The following TESK1 variants were observed in gnomAD, a reference collection of about 807,000 sequenced individuals.
The protein encoded by TESK1 is dual specificity testis-specific protein kinase 1.
In TESK1, 18 loss-of-function variants were observed where a neutral mutation model predicts 59.9. The ratio of observed to expected loss-of-function variants is 0.30; its 90% CI spans 0.21 to 0.45. TESK1 has a LOEUF of 0.45. TESK1 is among the 20% of genes least tolerant of loss of function. The pLI is 1.00. For missense variants in TESK1, 748 were observed against 840.9 expected, an observed-to-expected ratio of 0.89 and a Z score of 1.37; for synonymous variants, 341 against 357.4, an observed-to-expected ratio of 0.95 and a Z score of 0.52.
At chr9:35,606,806 C>T (rs868724381) in intron 3 of TESK1, 31 bp from the exon 4 acceptor site, 1 of 1,570,510 alleles carries the variant, frequency 6.4e-7, no homozygotes, top group Middle Eastern at 1.7e-4. Context: ...TGAAGTCTGA[C>T]ATCTATTCCC....
Position 35,608,946 on chromosome 9 carries a change from C to T in TESK1, c.1085C>T (p.Pro362Leu). 1 of 1,614,132 alleles carries T rather than the reference C, an allele frequency of 6.2e-7. No homozygotes were observed. Residue 362 changes from proline to leucine, a missense_variant, in exon 10 of 10, where the codon CCC (proline) becomes CTC (leucine). By Grantham distance (98) the Pro-to-Leu change is moderately conservative. Transcript: ENST00000336395. ...LSRSRSDLFL[P>L]PSPESPPNWG... ...CGAAGCCGGTCAGACCTCTTCCTGCCCCCATCACCAGAATCACCCCCCAAC... is the reference window on the plus strand; with the variant it reads ...CGAAGCCGGTCAGACCTCTTCCTGCTCCCATCACCAGAATCACCCCCCAAC...
At chr9:35,606,796 T>C (rs371265033) in intron 3 of TESK1, 41 bp from the exon 4 acceptor site, 18 of 1,560,706 alleles carry the variant, frequency 1.2e-5, no homozygotes, top group Non-Finnish European at 1.6e-5. Context: ...GAATACAGAC[T>C]GAAGTCTGAC....
chr9:35,605,862 G>A, intron 1 of TESK1, 24 bp downstream of exon 1: 1 of 1,608,358 alleles, frequency 6.2e-7, no homozygotes, highest in Non-Finnish European at 8.5e-7. Context: ...AGAGGGCAGA[G>A]GGGCGGGACC....
chr9:35,609,868 C>A lies in TESK1; in HGVS notation c.*126C>A. 3 of 1,175,424 alleles carry A rather than the reference C, an allele frequency of 2.6e-6. No individual in the cohort carries two copies. The highest frequency in any genetic ancestry group is 3.5e-6 in the Non-Finnish European group (3 of 865,300). 72.8% of individuals were successfully genotyped at this position (1,175,424 alleles called of 1,614,324 possible). A position where few individuals can be genotyped will look rare whatever the true frequency, so the allele number is the denominator to read the frequency against. On this transcript the variant is annotated 3_prime_UTR_variant, in exon 10 of 10. Transcript: ENST00000336395. This position sits in a 1 kb window ranked among gnomAD's most constrained non-coding sequence, Gnocchi z 6.7. ...CGGCTCTTCTCCCCGTGTAGGGGAG[C>A]CCCAGCATGGACTCAAGGGACAGAG...
Position 35,607,102 on chromosome 9 carries a change from T to C in TESK1, c.537+119T>C, listed in dbSNP as rs1301565608. 2.9e-6 allele frequency: 4 copies of C among 1,391,948 alleles called. No individual in the cohort carries two copies. The highest frequency in any genetic ancestry group is 2.3e-5 in the Admixed American group (1 of 43,478). The allele number at this position is 1,391,948 out of a possible 1,614,324, so 86.2% of individuals were successfully genotyped here. ...ATTAGGATGTTGGAGTGGCAAGGCA[T>C]TGGAGAATATTGGGGGACCAGGGTG... is the stretch of plus-strand genomic sequence containing the variant. On this transcript the variant is annotated intron_variant, in intron 4 of 9. Transcript: ENST00000336395. The surrounding 1 kb of genome is among the most constrained non-coding windows in gnomAD (Gnocchi z 4.5).
rs749029034 is a variant in TESK1 at position 35,608,973 on chromosome 9, G to C, written c.1112G>C (p.Trp371Ser). The C allele has an allele frequency of 1.8e-4, 289 of 1,613,982 alleles. No homozygotes were observed. The highest frequency in any genetic ancestry group is 2.3e-4 in the Non-Finnish European group (271 of 1,180,026). The change falls in exon 10 of 10, where the codon TGG becomes TCG. Residue 371 changes from tryptophan to serine, a missense_variant. By Grantham distance (177) the Trp-to-Ser change is radical (BLOSUM62 -3). Transcript: ENST00000336395. ...CCATCACCAGAATCACCCCCCAACT[G>C]GGGGGACAATCTGACTCGAGTCAAC... ...LPPSPESPPNWGDNLTRVNPF... is the reference protein window; with the variant it reads ...LPPSPESPPNSGDNLTRVNPF...
chr9:35,608,852 C>G lies in TESK1; in HGVS notation c.1001-10C>G, dbSNP rs373642090. The G allele has an allele frequency of 1.5e-5, 23 of 1,563,674 alleles. No homozygotes were observed. Among genetic ancestry groups the G allele is most frequent in the Middle Eastern group, 1.7e-4 (1 of 5,806 alleles). On this transcript the variant is annotated splice_polypyrimidine_tract_variant and intron_variant, in intron 9 of 9. Coordinates refer to ENST00000336395, the MANE Select transcript of TESK1 (RefSeq NM_006285.3). ...CTGAGGACAGTGATTCCAGACTTCTCTATCTACAGGCTCTGTTGCAAGAGG... is the reference window on the plus strand; with the variant it reads ...CTGAGGACAGTGATTCCAGACTTCTGTATCTACAGGCTCTGTTGCAAGAGG...
Position 35,608,263 on chromosome 9 carries a change from A to G in TESK1, c.885+14A>G. The G allele has an allele frequency of 6.2e-7, 1 of 1,612,912 alleles. No individual in the cohort carries two copies. Among genetic ancestry groups the G allele is most frequent in the Non-Finnish European group, 8.5e-7 (1 of 1,179,586 alleles). On this transcript the variant is annotated intron_variant, in intron 8 of 9. Coordinates refer to ENST00000336395, the MANE Select transcript of TESK1 (RefSeq NM_006285.3). ...CACTGCTGCAACGTAAGAGCCTCAC[A>G]CTCCTTCCTGCCCCACCCTGCCCCC...
In TESK1 at chr9:35,609,329, G is replaced by C. The variant is rs772905389; in HGVS notation, c.1468G>C (p.Val490Leu). The change falls in exon 10 of 10, where the codon GTG becomes CTG. Residue 490 changes from valine (V) to leucine (L), a missense_variant. By Grantham distance (32) the Val-to-Leu change is conservative (BLOSUM62 1). Around this residue, in one of 3 missense-constraint regions of TESK1, gnomAD observed 447 missense variants for 466.1 expected, o/e 0.96. Transcript: ENST00000336395. This position sits in a 1 kb window ranked among gnomAD's most constrained non-coding sequence, Gnocchi z 6.7. ...PGPAPQLPLA[V>L]ATDNFISTCS... The stretch of plus-strand genomic sequence containing the variant: ...GCCAGCGCCCCAGCTGCCTCTGGCT[G>C]TGGCCACAGACAACTTCATCAGCAC... The C allele has an allele frequency of 6.2e-7, 1 of 1,613,850 alleles. No individual in the cohort carries two copies. Among genetic ancestry groups the C allele is most frequent in the South Asian group, 1.1e-5 (1 of 91,070 alleles).
Position 35,609,772 on chromosome 9 carries a change from C to T in TESK1, c.*30C>T. 1 of 1,525,786 alleles carries T rather than the reference C, an allele frequency of 6.6e-7. No homozygotes were observed. Among genetic ancestry groups the T allele is most frequent in the Non-Finnish European group, 8.8e-7 (1 of 1,141,812 alleles). 94.5% of individuals were successfully genotyped at this position (1,525,786 alleles called of 1,614,324 possible). A position where few individuals can be genotyped will look rare whatever the true frequency, so the allele number is the denominator to read the frequency against. Reference sequence around the variant, plus strand: ...GGAGCCCGTGGTCTCAGGCCTCCAACTTTGGCCTTCAGGACACCCTGTAAG... The same window carrying T: ...GGAGCCCGTGGTCTCAGGCCTCCAATTTTGGCCTTCAGGACACCCTGTAAG... On this transcript the variant is annotated 3_prime_UTR_variant, in exon 10 of 10. Coordinates refer to ENST00000336395, the MANE Select transcript of TESK1 (RefSeq NM_006285.3). This position sits in a 1 kb window ranked among gnomAD's most constrained non-coding sequence, Gnocchi z 6.7.
Position 35,608,883 on chromosome 9 carries a change from C to T in TESK1, c.1022C>T (p.Pro341Leu). Residue 341 changes from proline to leucine, a missense_variant, in exon 10 of 10, where the codon CCC (proline) becomes CTC (leucine). Physicochemically the swap from Pro to Leu is moderately conservative, Grantham distance 98. Transcript: ENST00000336395. ...ACAGGCTCTGTTGCAAGAGGGGGTCCCTCTGCCACGCTTCCCAGGCCAGAT... is the reference window on the plus strand; with the variant it reads ...ACAGGCTCTGTTGCAAGAGGGGGTCTCTCTGCCACGCTTCCCAGGCCAGAT... ...HNQGSVARGG[P>L]SATLPRPDPR... is the part of the protein sequence containing the mutation. 1 of 1,593,952 alleles carries T rather than the reference C, an allele frequency of 6.3e-7. No homozygotes were observed. The highest frequency in any genetic ancestry group is 1.1e-5 in the South Asian group (1 of 88,072).
At position 35,607,273 on chromosome 9, in the gene TESK1, G is replaced by T; in HGVS notation, c.538-54G>T. On this transcript the variant is annotated intron_variant, in intron 4 of 9. Coordinates refer to ENST00000336395, the MANE Select transcript of TESK1 (RefSeq NM_006285.3). This position sits in a 1 kb window ranked among gnomAD's most constrained non-coding sequence, Gnocchi z 4.5. Reference sequence around the variant, plus strand: ...AGGGCTTTGGGTTATACATTGGGAGGCCAGACAGCAGAAGGTGATGAGTGC... The same window carrying T: ...AGGGCTTTGGGTTATACATTGGGAGTCCAGACAGCAGAAGGTGATGAGTGC... 1 of 1,602,952 alleles carries T rather than the reference G, an allele frequency of 6.2e-7. No individual in the cohort carries two copies. The highest frequency in any genetic ancestry group is 1.1e-5 in the South Asian group (1 of 90,894).
rs964916938 is a variant in TESK1 at position 35,609,928 on chromosome 9, G to C, written c.*186G>C. The C allele has an allele frequency of 1.6e-6, 1 of 615,910 alleles. No individual in the cohort carries two copies. The highest frequency in any genetic ancestry group is 2.7e-6 in the Non-Finnish European group (1 of 367,204). 38.2% of individuals were successfully genotyped at this position (615,910 alleles called of 1,614,324 possible). ...TCGACCCCCCGGCTCGCGTTCCCGTGGGGATCACTGAACCAGACACAGCAT... is the reference window on the plus strand; with the variant it reads ...TCGACCCCCCGGCTCGCGTTCCCGTCGGGATCACTGAACCAGACACAGCAT... On this transcript the variant is annotated 3_prime_UTR_variant, in exon 10 of 10. Transcript: ENST00000336395. The surrounding 1 kb of genome is among the most constrained non-coding windows in gnomAD (Gnocchi z 6.7).
rs1226029837 is a variant in TESK1 at position 35,605,971 on chromosome 9, C to T, written c.220-13C>T. 1.9e-6 allele frequency: 3 copies of T among 1,613,200 alleles called. No homozygotes were observed. Among genetic ancestry groups the T allele is most frequent in the South Asian group, 1.1e-5 (1 of 91,042 alleles). On this transcript the variant is annotated splice_polypyrimidine_tract_variant and intron_variant, in intron 1 of 9. Coordinates refer to ENST00000336395, the MANE Select transcript of TESK1 (RefSeq NM_006285.3). ...CGACCTGCCCGGCCCTCGCCGGCTG[C>T]TCCTGCCCCCAGGTTCGGCACCGAC...
At chr9:35,606,354 C>T (rs1822848971) in intron 3 of TESK1, 69 bp downstream of exon 3, 1 of 1,577,004 alleles carries the variant, frequency 6.3e-7, no homozygotes, top group Admixed American at 1.7e-5. Context: ...AGTCAACAGG[C>T]CTGGTGGATC....
In TESK1 at chr9:35,609,960, C is replaced by G. The variant is rs1399350215; in HGVS notation, c.*218C>G. 1 of 536,356 alleles carries G rather than the reference C, an allele frequency of 1.9e-6. No individual in the cohort carries two copies. The highest frequency in any genetic ancestry group is 1.9e-5 in the African/African-American group (1 of 51,690). The allele number at this position is 536,356 out of a possible 1,614,324, so 33.2% of individuals were successfully genotyped here. ...ACTGAACCAGACACAGCATTGCTGA[C>G]ACATGAGACTAACACGTGCAATTAT... On this transcript the variant is annotated 3_prime_UTR_variant, in exon 10 of 10. Coordinates refer to ENST00000336395, the MANE Select transcript of TESK1 (RefSeq NM_006285.3). The surrounding 1 kb of genome is among the most constrained non-coding windows in gnomAD (Gnocchi z 6.7).
Position 35,609,703 on chromosome 9 carries a change from A to T in TESK1, c.1842A>T (p.Pro614=), listed in dbSNP as rs1361051599. 6.3e-7 allele frequency: 1 copy of T among 1,599,974 alleles called. No homozygotes were observed. The highest frequency in any genetic ancestry group is 1.3e-5 in the African/African-American group (1 of 74,886). ...LLCHRGHHAK[P]PTPSLQLPGA... is the part of the protein sequence containing the mutation. ...GCCACCGAGGGCACCACGCCAAGCC[A>T]CCCACACCCAGCCTGCAGCTGCCTG... The change falls in exon 10 of 10, where the codon CCA becomes CCT. Residue 614 remains proline, a synonymous_variant. Coordinates refer to ENST00000336395, the MANE Select transcript of TESK1 (RefSeq NM_006285.3). The surrounding 1 kb of genome is among the most constrained non-coding windows in gnomAD (Gnocchi z 6.7).
At position 35,609,883 on chromosome 9, in the gene TESK1, A is replaced by G. The variant is rs1342797105; in HGVS notation, c.*141A>G. 8.0e-5 allele frequency: 84 copies of G among 1,056,118 alleles called. No homozygotes were observed. Among genetic ancestry groups the G allele is most frequent in the Non-Finnish European group, 1.1e-4 (82 of 759,104 alleles). The allele number at this position is 1,056,118 out of a possible 1,614,324, so 65.4% of individuals were successfully genotyped here. ...TGTAGGGGAGCCCCAGCATGGACTC[A>G]AGGGACAGAGCACTTCCAGTCGACC... On this transcript the variant is annotated 3_prime_UTR_variant, in exon 10 of 10. Coordinates refer to ENST00000336395, the MANE Select transcript of TESK1 (RefSeq NM_006285.3). The surrounding 1 kb of genome is among the most constrained non-coding windows in gnomAD (Gnocchi z 6.7).
At position 35,607,339 on chromosome 9, in the gene TESK1, C is replaced by G. The variant is rs1822870357; in HGVS notation, c.550C>G (p.Arg184Gly). The change falls in exon 5 of 10, where the codon CGA (arginine) becomes GGA (glycine). Residue 184 changes from arginine to glycine, a missense_variant. Physicochemically the swap from Arg to Gly is moderately radical, Grantham distance 125. Around this residue, in one of 3 missense-constraint regions of TESK1, gnomAD observed 168 missense variants for 257.4 expected, o/e 0.65. Transcript: ENST00000336395. This position sits in a 1 kb window ranked among gnomAD's most constrained non-coding sequence, Gnocchi z 4.5. ...RDLTSKNCLV[R>G]REDRGFTAVV... ...GTGTGTGTGTCAGAACTGTCTAGTC[C>G]GACGGGAAGATCGAGGCTTCACCGC... 1 of 1,614,066 alleles carries G rather than the reference C, an allele frequency of 6.2e-7. No homozygotes were observed. Among genetic ancestry groups the G allele is most frequent in the Non-Finnish European group, 8.5e-7 (1 of 1,180,000 alleles).
Sources: gnomAD v4.1 joint callset for allele counts on GRCh38, gnomAD v4.1.1 for gene constraint, gnomAD v4.1.1 regional missense constraint, Gnocchi (gnomAD v3.1) non-coding constraint, MANE v1.5 for transcripts, NCBI Gene and HGNC (gene_info 2026-07-23, HGNC 2026-07-21) for gene names.